CLGN: variants seen among roughly 807,000 people sequenced by gnomAD.
CLGN encodes the protein calmegin.
Under a neutral mutation model 79.1 loss-of-function variants are expected in CLGN, and 62 were observed. The observed-to-expected ratio is 0.78, with a 90% CI of 0.64 to 0.97. CLGN has a LOEUF of 0.97. Ranked by LOEUF, CLGN falls within the 50% of genes least tolerant of loss-of-function variation. The pLI, the probability that CLGN is intolerant of heterozygous loss-of-function variation, is 0.00. For missense variants in CLGN, 647 were observed against 715.5 expected (o/e 0.90, Z 1.09); for synonymous variants, 225 against 224.7 (o/e 1.00, Z -0.01).
At position 140,402,043 on chromosome 4, in the gene CLGN, C is replaced by A; in HGVS notation, c.443G>T (p.Gly148Val). 1 of 1,577,224 alleles carries A rather than the reference C, an allele frequency of 6.3e-7. No homozygotes were observed. The highest frequency in any genetic ancestry group is 1.2e-5 in the South Asian group (1 of 85,436). The stretch of plus-strand genomic sequence containing the variant: ...AATGTATGCACCTCCACAATCAATA[C>A]CATCTTGAAAATTTACTTCATATCT... ...IVQYEVNFQDGIDCGGAYIKL... is the reference protein window; with the variant it reads ...IVQYEVNFQDVIDCGGAYIKL... Residue 148 changes from glycine to valine, a missense_variant, in exon 6 of 15, where the codon GGT becomes GTT. Gly to Val is a moderately radical substitution (Grantham distance 109). Coordinates refer to ENST00000325617, the MANE Select transcript of CLGN (RefSeq NM_004362.3).
chr4:140,396,890 T>TAC lies in CLGN; in HGVS notation c.885-686_885-685insGT, dbSNP rs34215026. Among the ~76,000 whole-genome samples the TAC allele has an allele frequency of 2.7e-4, 14 of 51,504 alleles. No homozygotes were observed. The East Asian group carries it at 4.1e-3, about 15-fold the overall frequency. The allele number at this position is 51,504 out of a possible 152,430, so 33.8% of individuals were successfully genotyped here. ...ATATATATACATATATATATATATA[T>TAC]GTATATATATATATATGTATATATA... On this transcript the variant is annotated intron_variant, in intron 8 of 14. Coordinates refer to ENST00000325617, the MANE Select transcript of CLGN (RefSeq NM_004362.3).
At position 140,396,197 on chromosome 4, in the gene CLGN, C is replaced by T. The variant is rs982900411; in HGVS notation, c.893G>A (p.Ser298Asn). The T allele has an allele frequency of 1.9e-6, 3 of 1,613,238 alleles. No homozygotes were observed. Among genetic ancestry groups the T allele is most frequent in the Non-Finnish European group, 2.5e-6 (3 of 1,179,238 alleles). The change falls in exon 9 of 15, where the codon AGT (serine) becomes AAT (asparagine). Residue 298 changes from serine to asparagine, a missense_variant. By Grantham distance (46) the Ser-to-Asn change is conservative (BLOSUM62 1). Transcript: ENST00000325617. ...TGAATCTTCTATTTGGGCAGGTTCA[C>T]TTTCATCCCTGTAAATACAACGTTT... ...SAVKPEDWDESEPAQIEDSSV... is the reference protein window; with the variant it reads ...SAVKPEDWDENEPAQIEDSSV...
At chr4:140,423,996 TTTTTCTA>T (rs1342517888) in intron 1 of CLGN, among the ~76,000 whole-genome samples, 2 of 152,148 alleles carry the variant, frequency 1.3e-5, no homozygotes, top group African/African-American at 2.4e-5. Context: ...TTCTCTCTTG[TTTTTCTA>T]TTTTCTATTT....
At position 140,395,847 on chromosome 4, in the gene CLGN, G is replaced by C. The variant is rs1329248082; in HGVS notation, c.1121C>G (p.Pro374Arg). ...ATAGTTAGGATTATCGACCAGTGGA[G>C]GTCTCCATACTCCTTTGTATTTTGG... The part of the protein sequence containing the change: ...DNPKYKGVWR[P>R]PLVDNPNYQG... Residue 374 changes from proline (P) to arginine (R), a missense_variant, in exon 10 of 15, where the codon CCT (proline) becomes CGT (arginine). Coordinates refer to ENST00000325617, the MANE Select transcript of CLGN (RefSeq NM_004362.3). The C allele has an allele frequency of 6.5e-7, 1 of 1,544,872 alleles. No homozygotes were observed. Among genetic ancestry groups the C allele is most frequent in the Non-Finnish European group, 8.7e-7 (1 of 1,153,510 alleles).
chr4:140,423,232 G>A (rs191901082), intron 1 of CLGN, among the ~76,000 whole-genome samples: 4 of 152,196 alleles, frequency 2.6e-5, no homozygotes, highest in Admixed American at 2.6e-4. Flanking sequence ...AGTGTACTGA[G>A]TGTTTTTTAT....
At chr4:140,391,772 AT>A (rs1728777279) in intron 13 of CLGN, among the ~76,000 whole-genome samples, 5 of 151,926 alleles carry the variant, frequency 3.3e-5, no homozygotes. Context: ...TAATTAAATT[AT>A]TTCTTCTATA....
intron 6 of CLGN, among the ~76,000 whole-genome samples, chr4:140,401,369 C>T (rs951127581): frequency 6.6e-6 from 1 of 152,086 alleles, no homozygotes; most frequent in African/African-American, 2.4e-5. Flanking sequence ...AAAAGTCTCC[C>T]ATCTACATTT....
At chr4:140,424,993 C>A (rs992294723) in intron 1 of CLGN, among the ~76,000 whole-genome samples, 3 of 152,200 alleles carry the variant, frequency 2.0e-5, no homozygotes, top group African/African-American at 7.2e-5. Context: ...CTACCACCCC[C>A]AAATTACAAA....
At chr4:140,406,623 G>A (rs76959694) in intron 4 of CLGN, among the ~76,000 whole-genome samples, 2,263 of 152,286 alleles carry the variant, frequency 0.015, 43 homozygotes, top group African/African-American at 0.052. Context: ...ACACTAATCA[G>A]CTCTCAGAAC....
chr4:140,395,259 G>A (rs1728851447), intron 10 of CLGN, among the ~76,000 whole-genome samples: 2 of 151,686 alleles, frequency 1.3e-5, no homozygotes, highest in African/African-American at 4.8e-5. Context: ...AGATTCCCCT[G>A]CCTCAGCCTC....
intron 13 of CLGN, 143 bp from the exon 14 acceptor site, chr4:140,390,871 T>G (rs943842976): frequency 3.2e-5 from 13 of 411,790 alleles, no homozygotes; most frequent in Non-Finnish European, 5.5e-5. Context: ...TTCAAAATTT[T>G]AAAAATTATA....
chr4:140,416,578 A>G (rs375550275), intron 1 of CLGN, among the ~76,000 whole-genome samples: 10,439 of 150,618 alleles, frequency 0.069, 484 homozygotes, highest in African/African-American at 0.13. Flanking sequence ...ACACCTCTAC[A>G]CAAATAAACT....
At chr4:140,393,589 T>C (rs1728815714) in intron 11 of CLGN, among the ~76,000 whole-genome samples, 1 of 152,128 alleles carries the variant, frequency 6.6e-6, no homozygotes, top group Non-Finnish European at 1.5e-5. Context: ...ATCCCATTAG[T>C]GATGTTATAA....
intron 7 of CLGN, 32 bp from the exon 8 acceptor site, chr4:140,399,072 T>C (rs1366398864): frequency 1.3e-6 from 2 of 1,534,506 alleles, no homozygotes; most frequent in Non-Finnish European, 1.8e-6. Context: ...ATTATAGTTA[T>C]CATTTTGATA....
Position 140,397,154 on chromosome 4 carries a change from G to A in CLGN, c.885-949C>T, listed in dbSNP as rs188617225. ...ATGGACATTTTAAATTTTGATAGTA[G>A]CATCCAAATTACTCTCTATAATGGT... On this transcript the variant is annotated intron_variant, in intron 8 of 14. Transcript: ENST00000325617. Among the ~76,000 whole-genome samples the A allele has an allele frequency of 1.2e-3, 176 of 151,514 alleles. 2 individuals are homozygous for A. The highest frequency in any genetic ancestry group is 4.8e-3 in the South Asian group (23 of 4,812).
chr4:140,415,171 G>A (rs1225646397), intron 1 of CLGN, among the ~76,000 whole-genome samples: 4 of 152,084 alleles, frequency 2.6e-5, no homozygotes, highest in South Asian at 2.1e-4. Flanking sequence ...GTCACCACCA[G>A]GCCTGCCCTA....
intron 11 of CLGN, among the ~76,000 whole-genome samples, chr4:140,393,617 G>T (rs1728816036): frequency 6.6e-6 from 1 of 151,972 alleles, no homozygotes. Context: ...AATAAAATGA[G>T]GACTTACATA....
At chr4:140,393,127 T>C (rs1297661547) in intron 11 of CLGN, among the ~76,000 whole-genome samples, 5 of 152,074 alleles carry the variant, frequency 3.3e-5, no homozygotes, top group Admixed American at 3.3e-4. Context: ...TTTTCTTTTT[T>C]ATATAAACAC....
intron 13 of CLGN, 149 bp downstream of exon 13, chr4:140,392,070 T>C (rs1728782919): frequency 2.0e-6 from 2 of 991,732 alleles, no homozygotes; most frequent in South Asian, 3.4e-5. Context: ...AGGACTATTA[T>C]TCCTTCTTGC....
Sources: allele counts gnomAD v4.1 joint callset (sites outside exome capture counted in the v4.1 genomes callset), GRCh38; gene constraint gnomAD v4.1.1; transcripts MANE v1.5; gene names NCBI Gene and HGNC (gene_info 2026-07-23, HGNC 2026-07-21).